CCNH: variants seen among roughly 807,000 people sequenced by gnomAD.
The protein encoded by CCNH is cyclin-H.
Under a neutral mutation model 41.9 loss-of-function variants are expected in CCNH, and 31 were observed. The ratio of observed to expected loss-of-function variants is 0.74; its 90% confidence interval spans 0.56 to 1.00. The LOEUF (loss-of-function observed/expected upper bound fraction) is 1.00. Among genes scored for constraint, CCNH ranks in the 50% least tolerant of loss-of-function variants. CCNH has a pLI of 0.00. For missense variants in CCNH, 362 were observed against 388.4 expected (o/e 0.93, Z 0.57); for synonymous variants, 138 against 136.1 (o/e 1.01, Z -0.10).
chr5:87,337,868 A>AT, intron 9 of CCNH: 1 of 1,224,578 alleles, frequency 8.2e-7, no homozygotes, highest in Non-Finnish European at 1.1e-6. Flanking sequence ...AATTCCTTAC[A>AT]TTTTTCAATA....
At chr5:87,336,468 C>T (rs1363100954) in intron 9 of CCNH, among the ~76,000 whole-genome samples, 1 of 151,788 alleles carries the variant, frequency 6.6e-6, no homozygotes, top group Non-Finnish European at 1.5e-5. Context: ...TTATACACAC[C>T]TGTGGATTTT....
At chr5:87,322,478 A>G (rs1756898324) in intron 9 of CCNH, among the ~76,000 whole-genome samples, 1 of 152,184 alleles carries the variant, frequency 6.6e-6, no homozygotes, top group African/African-American at 2.4e-5. Flanking sequence ...GTCTTCCACT[A>G]AATCAGTCAG....
downstream of CCNH, chr5:87,394,197 T>C (rs971576667): frequency 4.5e-5 from 49 of 1,099,896 alleles, no homozygotes; most frequent in African/African-American, 2.6e-4. Context: ...CTTAAAAAAT[T>C]AGGCAAATGA....
intron 4 of CCNH, among the ~76,000 whole-genome samples, chr5:87,406,408 G>C (rs1270995294): frequency 6.6e-6 from 1 of 152,070 alleles, no homozygotes; most frequent in Non-Finnish European, 1.5e-5. Flanking sequence ...CAGAAACCTG[G>C]GGGTTCTTCC....
At chr5:87,395,198 T>C in intron 7 of CCNH, 94 bp from the exon 8 acceptor site, 1 of 1,007,572 alleles carries the variant, frequency 9.9e-7, no homozygotes, top group Non-Finnish European at 1.5e-6. Context: ...CAATATCATG[T>C]ATCTACTGAA....
At chr5:87,377,793 A>G (rs959865761), upstream of CCNH, among the ~76,000 whole-genome samples, 1 of 152,202 alleles carries the variant, frequency 6.6e-6, no homozygotes, top group African/African-American at 2.4e-5. Flanking sequence ...ATTCATTAAC[A>G]GTTCTTGCTT....
At chr5:87,348,516 C>T (rs914364655) in intron 9 of CCNH, among the ~76,000 whole-genome samples, 1 of 151,858 alleles carries the variant, frequency 6.6e-6, no homozygotes, top group Non-Finnish European at 1.5e-5. Context: ...CAGGAGCATA[C>T]CTATTGAATA....
At chr5:87,346,956 G>C (rs1171519864) in intron 9 of CCNH, among the ~76,000 whole-genome samples, 1 of 151,908 alleles carries the variant, frequency 6.6e-6, no homozygotes, top group Non-Finnish European at 1.5e-5. Flanking sequence ...CACTTCCTCA[G>C]AAGTAACACT....
At chr5:87,382,394 C>T (rs547382019) in intron 9 of CCNH, among the ~76,000 whole-genome samples, 2 of 152,268 alleles carry the variant, frequency 1.3e-5, no homozygotes, top group Non-Finnish European at 2.9e-5. Flanking sequence ...GAGATTGTAT[C>T]TATTAATCTA....
intron 9 of CCNH, chr5:87,385,237 A>G (rs1472297119): frequency 9.7e-7 from 1 of 1,027,538 alleles, no homozygotes; most frequent in Non-Finnish European, 1.5e-6. Flanking sequence ...TGCTAAATTT[A>G]TAATGGTTTA....
In CCNH at chr5:87,394,746, TA is replaced by T. The variant is rs1762785971; in HGVS notation, c.934-263del. On this transcript the variant is annotated intron_variant, in intron 8 of 8. Coordinates refer to ENST00000256897, the MANE Select transcript of CCNH (RefSeq NM_001239.4). ...GACTTGACAGATAGAAAATTTTTTTTAAAAGGGGGTAAGGGAAAAATCCTTG... is the reference window on the plus strand; with the variant it reads ...GACTTGACAGATAGAAAATTTTTTTTAAAGGGGGTAAGGGAAAAATCCTTG... 3.8e-6 allele frequency: 5 copies of T among 1,325,730 alleles called. No individual in the cohort carries two copies. In the Admixed American group the frequency reaches 1.1e-4, roughly 29 times the overall value. 82.1% of individuals were successfully genotyped at this position (1,325,730 alleles called of 1,614,324 possible).
At chr5:87,374,132 A>T (rs943366557), downstream of CCNH, 30 of 1,211,396 alleles carry the variant, frequency 2.5e-5, no homozygotes, top group African/African-American at 9.7e-5. Context: ...AATCTGGGGT[A>T]ATATATATAT....
At chr5:87,407,092 C>T (rs534779457) in intron 4 of CCNH, among the ~76,000 whole-genome samples, 2 of 152,246 alleles carry the variant, frequency 1.3e-5, no homozygotes, top group African/African-American at 4.8e-5. Context: ...GGAATGGTTT[C>T]TTGAATTTGA....
chr5:87,410,530 T>C (rs1764152470), intron 2 of CCNH, among the ~76,000 whole-genome samples: 1 of 152,212 alleles, frequency 6.6e-6, no homozygotes. Context: ...AGTCACGCTG[T>C]ATAACTTTAA....
chr5:87,312,672 AGGGATATCTGGAACT>A, the CCNH span, among the ~76,000 whole-genome samples: 1 of 152,204 alleles, frequency 6.6e-6, no homozygotes, highest in Non-Finnish European at 1.5e-5. Flanking sequence ...CTGGAATCTC[AGGGATATCTGGAACT>A]GGGGATGTGA....
At chr5:87,331,923 A>T (rs1757628722) in intron 9 of CCNH, among the ~76,000 whole-genome samples, 1 of 152,134 alleles carries the variant, frequency 6.6e-6, no homozygotes, top group Admixed American at 6.5e-5. Flanking sequence ...TGAAACAGAC[A>T]TATAAATTTT....
At chr5:87,378,341 G>C, upstream of CCNH, 2 of 1,570,408 alleles carry the variant, frequency 1.3e-6, no homozygotes, top group Non-Finnish European at 1.8e-6. Context: ...TTTCCAATTT[G>C]GTCACATTAG....
At chr5:87,348,325 C>T (rs1759010226) in intron 9 of CCNH, among the ~76,000 whole-genome samples, 1 of 151,910 alleles carries the variant, frequency 6.6e-6, no homozygotes, top group Non-Finnish European at 1.5e-5. Flanking sequence ...ATAATCTAAG[C>T]ATTCATTGTG....
At chr5:87,352,953 T>G (rs1420207048) in intron 9 of CCNH, among the ~76,000 whole-genome samples, 1 of 152,028 alleles carries the variant, frequency 6.6e-6, no homozygotes, top group African/African-American at 2.4e-5. Flanking sequence ...CCATGTATTC[T>G]GGCCTGTAAA....
Sources: gnomAD v4.1 joint callset for allele counts (sites outside exome capture counted in the v4.1 genomes callset) on GRCh38, gnomAD v4.1.1 for gene constraint, MANE v1.5 for transcripts, NCBI Gene and HGNC (gene_info 2026-07-23, HGNC 2026-07-21) for gene names.